Variants in PALS2 observed in about 807,000 individuals in gnomAD.
The protein encoded by PALS2 is protein PALS2.
In PALS2, 27 loss-of-function variants were observed where a neutral mutation model predicts 61.6. The observed-to-expected ratio is 0.44, with a 90% CI of 0.32 to 0.60. The LOEUF (loss-of-function observed/expected upper bound fraction) is 0.60. Ranked by LOEUF, PALS2 falls within the 20% of genes least tolerant of loss-of-function variation. The pLI is 0.05. For missense variants in PALS2, 554 were observed against 639.4 expected, an observed-to-expected ratio of 0.87 and a Z score of 1.44; for synonymous variants, 236 against 218.6, an observed-to-expected ratio of 1.08 and a Z score of -0.70.
intron 11 of PALS2, among the ~76,000 whole-genome samples, chr7:24,685,303 C>G (rs916460880): frequency 6.6e-6 from 1 of 152,168 alleles, no homozygotes; most frequent in African/African-American, 2.4e-5. Flanking sequence ...TTAAGAATGG[C>G]TGTAATTTGA....
chr7:24,651,964 C>G (rs1338745489), intron 5 of PALS2, among the ~76,000 whole-genome samples: 2 of 152,044 alleles, frequency 1.3e-5, no homozygotes, highest in Non-Finnish European at 1.5e-5. Flanking sequence ...AATAGATAGG[C>G]TTGTAATTAA....
Position 24,658,626 on chromosome 7 carries a change from G to C in PALS2, c.652-4964G>C, listed in dbSNP as rs181513318. Among the ~76,000 whole-genome samples the C allele has an allele frequency of 2.7e-3, 411 of 150,338 alleles. 3 individuals carry two copies. Among genetic ancestry groups the C allele is most frequent in the African/African-American group, 9.6e-3 (392 of 40,906 alleles). ...GGCTGGAGTGCAGTGGCACGATCTC[G>C]GCTCACTGCAACCCCCACCTCCTGG... On this transcript the variant is annotated intron_variant, in intron 5 of 11. Coordinates refer to ENST00000222644, the MANE Select transcript of PALS2 (RefSeq NM_001303037.2).
chr7:24,673,895 C>T (rs959760124), intron 9 of PALS2, among the ~76,000 whole-genome samples: 5 of 151,910 alleles, frequency 3.3e-5, no homozygotes, highest in Non-Finnish European at 1.5e-5. Flanking sequence ...TTAACATAGG[C>T]ATTCACAGCT....
At chr7:24,604,592 C>T (rs1783831719) in intron 1 of PALS2, among the ~76,000 whole-genome samples, 1 of 152,072 alleles carries the variant, frequency 6.6e-6, no homozygotes, top group Non-Finnish European at 1.5e-5. Context: ...GGCCCCAAAC[C>T]ATCTCAAAGT....
rs70942878 is a variant in PALS2, at chr7:24,691,405, GTATATATATATATATATA to G, written c.*3814_*3831del. 28 of 110,576 alleles carry G rather than the reference GTATATATATATATATATA, an allele frequency of 2.5e-4. 1 individual carries two copies. Among genetic ancestry groups the G allele is most frequent in the East Asian group, 9.7e-4 (4 of 4,140 alleles). 6.8% of individuals were successfully genotyped at this position (110,576 alleles called of 1,614,324 possible). On this transcript the variant is annotated 3_prime_UTR_variant, in exon 12 of 12. Transcript: ENST00000222644. ...ATATTATGTATGTGTGTGTGTGTGT[GTATATATATATATATATA>G]TATATATATATATATATATATACAG...
At chr7:24,590,009 A>G (rs1429298291) in intron 1 of PALS2, among the ~76,000 whole-genome samples, 1 of 152,194 alleles carries the variant, frequency 6.6e-6, no homozygotes. Context: ...ATGGCCTAGT[A>G]CATTTCCAAA....
At chr7:24,668,822 T>C (rs903872569) in intron 9 of PALS2, among the ~76,000 whole-genome samples, 162 bp downstream of exon 9, 1 of 152,240 alleles carries the variant, frequency 6.6e-6, no homozygotes, top group Non-Finnish European at 1.5e-5. Context: ...TTAGTAATTC[T>C]GTAGCTGTCT....
rs79992393 is a variant in PALS2, at chr7:24,618,871, T to G, written c.-2-4795T>G. On this transcript the variant is annotated intron_variant, in intron 1 of 11. Transcript: ENST00000222644. The surrounding 1 kb of genome is among the most constrained non-coding windows in gnomAD (Gnocchi z 5.1). ...ACACTCCAGTCAAATCTTAGCTGTT[T>G]ATTTATTGCCGTGGTCCTTTCTTGA... 0.018 allele frequency among the ~76,000 whole-genome samples: 2,814 copies of G among 152,362 alleles called. 100 individuals are homozygous for G. The highest frequency in any genetic ancestry group is 0.065 in the African/African-American group (2,691 of 41,582).
At chr7:24,614,683 G>A (rs1228480860) in intron 1 of PALS2, among the ~76,000 whole-genome samples, 1 of 151,884 alleles carries the variant, frequency 6.6e-6, no homozygotes, top group Non-Finnish European at 1.5e-5. Context: ...AGATCACCTA[G>A]TCAGAAAATC....
At chr7:24,630,225 G>A (rs914112375) in intron 2 of PALS2, among the ~76,000 whole-genome samples, 2 of 152,126 alleles carry the variant, frequency 1.3e-5, no homozygotes, top group African/African-American at 4.8e-5. Context: ...AATAACACAG[G>A]AGCAGAAAAC....
intron 1 of PALS2, among the ~76,000 whole-genome samples, chr7:24,579,474 T>G (rs1191346303): frequency 1.3e-5 from 2 of 152,220 alleles, no homozygotes; most frequent in Non-Finnish European, 2.9e-5. Context: ...TGTTTTTGGC[T>G]AAAGTCATAA....
intron 2 of PALS2, among the ~76,000 whole-genome samples, chr7:24,632,543 G>T (rs1318342270): frequency 6.6e-6 from 1 of 152,140 alleles, no homozygotes; most frequent in East Asian, 1.9e-4. Flanking sequence ...GGGATTACAG[G>T]CACGCCCAGC....
intron 8 of PALS2, chr7:24,667,100 A>T (rs1026178448): frequency 6.6e-6 from 1 of 152,220 alleles, no homozygotes; most frequent in South Asian, 2.1e-4. Flanking sequence ...AAGAGTTACT[A>T]TTAGGATAAT....
chr7:24,584,695 T>G (rs1013108103), intron 1 of PALS2, among the ~76,000 whole-genome samples: 1 of 151,948 alleles, frequency 6.6e-6, no homozygotes, highest in Non-Finnish European at 1.5e-5. Flanking sequence ...TTTTGTCTTT[T>G]GTTGCCATTG....
intron 1 of PALS2, chr7:24,589,312 G>A (rs2128042734): frequency 6.6e-6 from 1 of 152,226 alleles, no homozygotes; most frequent in South Asian, 2.1e-4. Context: ...GATATACTCT[G>A]GAGCTGTACC....
At chr7:24,653,783 A>T (rs1221559360) in intron 5 of PALS2, among the ~76,000 whole-genome samples, 1 of 152,220 alleles carries the variant, frequency 6.6e-6, no homozygotes, top group Non-Finnish European at 1.5e-5. Flanking sequence ...ATCTTCATTA[A>T]CAATCCCAGT....
intron 7 of PALS2, 125 bp downstream of exon 7, chr7:24,665,812 C>G: frequency 1.0e-6 from 1 of 988,664 alleles, no homozygotes; most frequent in Non-Finnish European, 1.5e-6. Context: ...CCTCTGCTTT[C>G]TCTCGCTCAT....
At chr7:24,626,633 A>G (rs1307093233) in intron 2 of PALS2, among the ~76,000 whole-genome samples, 1 of 152,202 alleles carries the variant, frequency 6.6e-6, no homozygotes, top group African/African-American at 2.4e-5. Context: ...CAGGAGACAC[A>G]TCTCATGTGC....
In PALS2 at chr7:24,629,415, G is replaced by A. The variant is rs538524198; in HGVS notation, c.117+5631G>A. On this transcript the variant is annotated intron_variant, in intron 2 of 11. Coordinates refer to ENST00000222644, the MANE Select transcript of PALS2 (RefSeq NM_001303037.2). ...AGAAAACCTAGGCAGTACCATTCAGGGCATAGGCATGAGCACAGACTTCAT... is the reference window on the plus strand; with the variant it reads ...AGAAAACCTAGGCAGTACCATTCAGAGCATAGGCATGAGCACAGACTTCAT... Among the ~76,000 whole-genome samples the A allele has an allele frequency of 6.6e-5, 10 of 152,214 alleles. No homozygotes were observed. The East Asian group carries it at 1.9e-3, about 29-fold the overall frequency.
Sources: allele counts gnomAD v4.1 joint callset (sites outside exome capture counted in the v4.1 genomes callset), GRCh38; gene constraint gnomAD v4.1.1; non-coding constraint Gnocchi (gnomAD v3.1); transcripts MANE v1.5; gene names NCBI Gene and HGNC (gene_info 2026-07-23, HGNC 2026-07-21).